FXR1: variants seen among roughly 807,000 people sequenced by gnomAD.
The protein encoded by FXR1 is RNA-binding protein FXR1.
A neutral mutation model predicts 84.0 loss-of-function variants in FXR1; 15 were observed. The ratio of observed to expected loss-of-function variants is 0.18; its 90% confidence interval spans 0.12 to 0.27. FXR1 has a LOEUF of 0.27. Ranked by LOEUF, FXR1 falls within the 10% of genes least tolerant of loss-of-function variation. FXR1 has a pLI of 1.00. For synonymous variants in FXR1, 245 were observed against 250.7 expected, an observed-to-expected ratio of 0.98 and a Z score of 0.21; for missense variants, 480 against 774.4, an observed-to-expected ratio of 0.62 and a Z score of 4.51.
rs748461521 is a variant in FXR1 at position 180,926,141 on chromosome 3, TTC to T, written c.52-7191_52-7190del. ...TTTGAGAAGGCATAAAAAAAGTAAT[TTC>T]TGACTGTTGTGCCAAATCTAGAGAG... is the stretch of plus-strand genomic sequence containing the variant. On this transcript the variant is annotated intron_variant, in intron 1 of 16. Coordinates refer to ENST00000357559, the MANE Select transcript of FXR1 (RefSeq NM_005087.4). Among the ~76,000 whole-genome samples the T allele has an allele frequency of 3.3e-5, 5 of 152,294 alleles. No homozygotes were observed. The East Asian group carries it at 9.6e-4, about 29-fold the overall frequency.
At chr3:180,946,573 A>C (rs1422891807) in intron 3 of FXR1, among the ~76,000 whole-genome samples, 1 of 152,218 alleles carries the variant, frequency 6.6e-6, no homozygotes, top group Non-Finnish European at 1.5e-5. Context: ...GGAAAAGCTA[A>C]AATTGAGTTT....
At chr3:180,949,076 A>G (rs1418564435) in intron 6 of FXR1, 151 bp from the exon 7 acceptor site, 14 of 676,354 alleles carry the variant, frequency 2.1e-5, no homozygotes, top group Non-Finnish European at 3.5e-5. Flanking sequence ...GAATTCAGAA[A>G]GGAAAGTGTG....
chr3:180,955,579 C>T (rs1204561248), intron 9 of FXR1, among the ~76,000 whole-genome samples: 6 of 152,066 alleles, frequency 3.9e-5, no homozygotes, highest in East Asian at 1.9e-4. Context: ...TTAAAGAAAT[C>T]GTTAATTATT....
chr3:180,979,101 G>A lies in FXR1; in HGVS notation c.*2809G>A, dbSNP rs972926441. The A allele has an allele frequency of 2.9e-4, 44 of 152,246 alleles. No homozygotes were observed. Among genetic ancestry groups the A allele is most frequent in the African/African-American group, 9.9e-4 (41 of 41,550 alleles). The allele number at this position is 152,246 out of a possible 1,614,324, so 9.4% of individuals were successfully genotyped here. On this transcript the variant is annotated 3_prime_UTR_variant, in exon 17 of 17. Coordinates refer to ENST00000357559, the MANE Select transcript of FXR1 (RefSeq NM_005087.4). The stretch of plus-strand genomic sequence containing the variant: ...CTGGGTTCCATTGCTGTTGTGCTAA[G>A]TCACGTATTTTTGTAGCTGCTGTTA...
chr3:180,921,018 T>C (rs1401549239), intron 1 of FXR1, among the ~76,000 whole-genome samples: 3 of 152,190 alleles, frequency 2.0e-5, no homozygotes, highest in African/African-American at 4.8e-5. Context: ...AGTTACATGC[T>C]CAATACTAAT....
At chr3:180,928,482 A>G (rs1719496067) in intron 1 of FXR1, among the ~76,000 whole-genome samples, 1 of 150,872 alleles carries the variant, frequency 6.6e-6, no homozygotes, top group Non-Finnish European at 1.5e-5. Flanking sequence ...ATGGGATGCC[A>G]TTGAAATTAT....
At chr3:180,967,608 C>T (rs949519730) in intron 13 of FXR1, among the ~76,000 whole-genome samples, 1 of 148,702 alleles carries the variant, frequency 6.7e-6, no homozygotes, top group Admixed American at 6.7e-5. Flanking sequence ...AATTAATGTT[C>T]TGTATATTTT....
intron 8 of FXR1, among the ~76,000 whole-genome samples, chr3:180,952,797 T>C (rs1722357713): frequency 6.6e-6 from 1 of 151,832 alleles, no homozygotes; most frequent in African/African-American, 2.4e-5. Context: ...ATTTGAGCTA[T>C]GGTTTTAAAA....
At chr3:180,957,107 C>A (rs1439390847) in intron 9 of FXR1, among the ~76,000 whole-genome samples, 1 of 152,096 alleles carries the variant, frequency 6.6e-6, no homozygotes, top group Non-Finnish European at 1.5e-5. Flanking sequence ...TTAGATAGTC[C>A]TTTAGGGAAA....
At chr3:180,967,075 C>T (rs1247051488) in intron 13 of FXR1, among the ~76,000 whole-genome samples, 1 of 152,186 alleles carries the variant, frequency 6.6e-6, no homozygotes, top group African/African-American at 2.4e-5. Context: ...CTGGTCATGG[C>T]TTCAGTTCTG....
intron 8 of FXR1, among the ~76,000 whole-genome samples, chr3:180,953,137 T>C (rs929576724): frequency 2.0e-5 from 3 of 152,180 alleles, no homozygotes; most frequent in Admixed American, 6.5e-5. Context: ...GCCCACTGCA[T>C]CTGGCCTTAT....
At chr3:180,928,509 C>T (rs1345001772) in intron 1 of FXR1, among the ~76,000 whole-genome samples, 1 of 151,708 alleles carries the variant, frequency 6.6e-6, no homozygotes, top group African/African-American at 2.4e-5. Context: ...ATTTTAGGGG[C>T]ATATTGAAAT....
At chr3:180,961,332 G>A (rs1451560824) in intron 10 of FXR1, 136 bp from the exon 11 acceptor site, 2 of 487,538 alleles carry the variant, frequency 4.1e-6, no homozygotes, top group Non-Finnish European at 6.8e-6. Context: ...AGAGCAAGAC[G>A]TCATCTCAAA....
intron 3 of FXR1, among the ~76,000 whole-genome samples, chr3:180,942,740 C>G (rs1043176274): frequency 6.6e-6 from 1 of 151,992 alleles, no homozygotes; most frequent in Non-Finnish European, 1.5e-5. Context: ...ATTGTTCCTG[C>G]GAAATAGTTT....
intron 1 of FXR1, among the ~76,000 whole-genome samples, chr3:180,917,751 A>G (rs1718072415): frequency 6.6e-6 from 1 of 152,092 alleles, no homozygotes; most frequent in African/African-American, 2.4e-5. Context: ...GTTCGAGACC[A>G]GCCTGGCCAA....
intron 15 of FXR1, chr3:180,970,926 G>A (rs1713482686): frequency 3.8e-6 from 1 of 264,068 alleles, no homozygotes; most frequent in South Asian, 3.5e-5. Flanking sequence ...CTACAAAAAT[G>A]TATTTCCTGT....
At position 180,951,430 on chromosome 3, in the gene FXR1, C is replaced by T; in HGVS notation, c.763C>T (p.Leu255=). The part of the protein sequence containing the change: ...RKVPGVTAIE[L]DEDTGTFRIY... ...GGTTCCTGGAGTTACCGCCATTGAGCTAGATGAAGATACTGGAACATTCAG... is the reference window on the plus strand; with the variant it reads ...GGTTCCTGGAGTTACCGCCATTGAGTTAGATGAAGATACTGGAACATTCAG... The change falls in exon 8 of 17, where the codon CTA becomes TTA. Residue 255 remains leucine (L), a synonymous_variant. Coordinates refer to ENST00000357559, the MANE Select transcript of FXR1 (RefSeq NM_005087.4). 5.0e-6 allele frequency: 8 copies of T among 1,613,416 alleles called. No individual in the cohort carries two copies. The highest frequency in any genetic ancestry group is 6.8e-6 in the Non-Finnish European group (8 of 1,179,412).
chr3:180,946,966 C>A (rs544539454), intron 3 of FXR1, among the ~76,000 whole-genome samples: 4 of 152,070 alleles, frequency 2.6e-5, no homozygotes, highest in Non-Finnish European at 5.9e-5. Flanking sequence ...AACTCTAATC[C>A]CAAGTGAAAG....
chr3:180,972,556 A>C (rs911829181), intron 15 of FXR1, among the ~76,000 whole-genome samples: 1 of 152,222 alleles, frequency 6.6e-6, no homozygotes, highest in African/African-American at 2.4e-5. Context: ...TCAGGCTATC[A>C]GTATGAACTT....
Sources: allele counts gnomAD v4.1 joint callset (sites outside exome capture counted in the v4.1 genomes callset), GRCh38; gene constraint gnomAD v4.1.1; transcripts MANE v1.5; gene names NCBI Gene and HGNC (gene_info 2026-07-23, HGNC 2026-07-21).